Variants in SLC8A2 observed in about 807,000 individuals in gnomAD.
SLC8A2 encodes the protein sodium/calcium exchanger 2.
SLC8A2 carries 14 observed loss-of-function variants against 70.2 expected under a neutral mutation model. The observed-to-expected ratio is 0.20, with a 90% CI of 0.13 to 0.31. The LOEUF is 0.31. SLC8A2 is among the 10% of genes least tolerant of loss of function. SLC8A2 has a pLI of 1.00. For missense variants in SLC8A2, 779 were observed against 1,320.1 expected (o/e 0.59, Z 6.35); for synonymous variants, 575 against 594.3 (o/e 0.97, Z 0.47).
intron 7 of SLC8A2, 93 bp from the exon 8 acceptor site, chr19:47,437,654 C>A: frequency 8.3e-7 from 1 of 1,198,678 alleles, no homozygotes; most frequent in Non-Finnish European, 1.2e-6. Flanking sequence ...ACAGCCTGTG[C>A]CCAGGGGTCC....
In SLC8A2 at chr19:47,457,279, G is replaced by C; in HGVS notation, c.991C>G (p.Leu331Val). 6.5e-7 allele frequency: 1 copy of C among 1,547,184 alleles called. No homozygotes were observed. Among genetic ancestry groups the C allele is most frequent in the Non-Finnish European group, 8.7e-7 (1 of 1,145,656 alleles). ...TTGGCGATGCCCACCAGCTGCTCCA[G>C]ATCCTTGTCCGGGTGCTTCTGCTTG... ...DLKQKHPDKD[L>V]EQLVGIANYY... The change falls in exon 3 of 10, where the codon CTG (leucine) becomes GTG (valine). Residue 331 changes from leucine (L) to valine (V), a missense_variant. By Grantham distance (32) the Leu-to-Val change is conservative. Transcript: ENST00000236877.
chr19:47,459,682 T>C (rs527378864), intron 2 of SLC8A2, among the ~76,000 whole-genome samples: 5 of 147,674 alleles, frequency 3.4e-5, no homozygotes, highest in Non-Finnish European at 6.1e-5. Flanking sequence ...CATGTGTGTG[T>C]GTGCATGGGT....
intron 1 of SLC8A2, among the ~76,000 whole-genome samples, chr19:47,469,185 T>G (rs1228528830): frequency 1.3e-5 from 2 of 151,244 alleles, no homozygotes; most frequent in Non-Finnish European, 2.9e-5. Flanking sequence ...GGGTGATTCT[T>G]AAAGGGCCAC....
At position 47,456,985 on chromosome 19, in the gene SLC8A2, C is replaced by T; in HGVS notation, c.1285G>A (p.Val429Met). The T allele has an allele frequency of 6.2e-7, 1 of 1,612,580 alleles. No individual in the cohort carries two copies. The highest frequency in any genetic ancestry group is 1.1e-5 in the South Asian group (1 of 90,948). Residue 429 changes from valine (V) to methionine (M), a missense_variant, in exon 3 of 10, where the codon GTG becomes ATG. Around this residue, in one of 6 missense-constraint regions of SLC8A2, gnomAD observed 186 missense variants for 246.6 expected, o/e 0.75. Transcript: ENST00000236877. ...QGGEGNSTFYVDYRTEDGSAK... is the reference protein window; with the variant it reads ...QGGEGNSTFYMDYRTEDGSAK... ...GAGCCGTCCTCAGTGCGGTAGTCCA[C>T]GTAGAAGGTGCTGTTGCCCTCGCCG...
At chr19:47,463,156 G>C (rs531421471) in intron 2 of SLC8A2, among the ~76,000 whole-genome samples, 1 of 150,960 alleles carries the variant, frequency 6.6e-6, no homozygotes, top group South Asian at 2.1e-4. Flanking sequence ...TTTTTGAGAC[G>C]GAGTCTCGCT....
At chr19:47,435,696 A>C (rs2122615151) in intron 8 of SLC8A2, among the ~76,000 whole-genome samples, 1 of 151,968 alleles carries the variant, frequency 6.6e-6, no homozygotes, top group East Asian at 1.9e-4. Context: ...TTACAGGCGC[A>C]GGCCACCATG....
chr19:47,455,544 T>C (rs1443326113), intron 3 of SLC8A2, among the ~76,000 whole-genome samples: 1 of 152,200 alleles, frequency 6.6e-6, no homozygotes, highest in Non-Finnish European at 1.5e-5. Flanking sequence ...TTGCACATAG[T>C]AGACACATGA....
In SLC8A2 at chr19:47,430,428, C is replaced by T; in HGVS notation, c.2427G>A (p.Gln809=). Residue 809 remains glutamine (Q), a synonymous_variant, in exon 10 of 10, where the codon CAG becomes CAA. Coordinates refer to ENST00000236877, the MANE Select transcript of SLC8A2 (RefSeq NM_015063.3). This position sits in a 1 kb window ranked among gnomAD's most constrained non-coding sequence, Gnocchi z 5.9. Reference sequence around the variant, plus strand: ...CGTTGCCGATGGACGCGTCGGCGCACTGGTCCTGCAGCGCCGCCACCTTGC... The same window carrying T: ...CGTTGCCGATGGACGCGTCGGCGCATTGGTCCTGCAGCGCCGCCACCTTGC... The part of the protein sequence containing the change: ...FASKVAALQD[Q]CADASIGNVT... The T allele has an allele frequency of 6.2e-7, 1 of 1,607,894 alleles. No individual in the cohort carries two copies.
chr19:47,461,171 C>T (rs866566832), intron 2 of SLC8A2, among the ~76,000 whole-genome samples: 1 of 150,146 alleles, frequency 6.7e-6, no homozygotes, highest in South Asian at 2.1e-4. Context: ...GCCTGGCGAC[C>T]GAGCGAGACT....
At chr19:47,434,424 T>A (rs934331055) in intron 8 of SLC8A2, among the ~76,000 whole-genome samples, 3 of 152,212 alleles carry the variant, frequency 2.0e-5, no homozygotes, top group African/African-American at 4.8e-5. Context: ...CACTGTGTGA[T>A]CCTGAATCAG....
Position 47,430,421 on chromosome 19 carries a change from C to T in SLC8A2, c.2434G>A (p.Asp812Asn). The T allele has an allele frequency of 6.2e-7, 1 of 1,608,194 alleles. No homozygotes were observed. The highest frequency in any genetic ancestry group is 8.5e-7 in the Non-Finnish European group (1 of 1,178,564). ...CCGGTCACGTTGCCGATGGACGCGT[C>T]GGCGCACTGGTCCTGCAGCGCCGCC... is the stretch of plus-strand genomic sequence containing the variant. ...KVAALQDQCA[D>N]ASIGNVTGSN... Residue 812 changes from aspartate to asparagine, a missense_variant, in exon 10 of 10, where the codon GAC becomes AAC. By Grantham distance (23) the Asp-to-Asn change is conservative (BLOSUM62 1). Coordinates refer to ENST00000236877, the MANE Select transcript of SLC8A2 (RefSeq NM_015063.3). This position sits in a 1 kb window ranked among gnomAD's most constrained non-coding sequence, Gnocchi z 5.9.
In SLC8A2 at chr19:47,466,247, C is replaced by T; in HGVS notation, c.157G>A (p.Val53Met). 1 of 1,599,314 alleles carries T rather than the reference C, an allele frequency of 6.3e-7. No individual in the cohort carries two copies. Among genetic ancestry groups the T allele is most frequent in the Non-Finnish European group, 8.5e-7 (1 of 1,170,704 alleles). Residue 53 changes from valine to methionine, a missense_variant, in exon 2 of 10, where the codon GTG becomes ATG. By Grantham distance (21) the Val-to-Met change is conservative. Transcript: ENST00000236877. The surrounding 1 kb of genome is among the most constrained non-coding windows in gnomAD (Gnocchi z 6.9). ...TCGGGCTCCCACACGGGCAGCAGCA[C>T]CCCCGGCTGGCAGCGGTAGGACCCC... ...CQGSYRCQPG[V>M]LLPVWEPDDP...
At position 47,447,237 on chromosome 19, in the gene SLC8A2, C is replaced by T. The variant is rs1040259067; in HGVS notation, c.1763+572G>A. Among the ~76,000 whole-genome samples, 8 of 151,980 alleles carry T rather than the reference C, an allele frequency of 5.3e-5. No homozygotes were observed. Among genetic ancestry groups the T allele is most frequent in the Non-Finnish European group, 8.8e-5 (6 of 67,996 alleles). ...GTCGTATGTCCAAACCCAGACCCCACCTATCGCCCTGGACCCGCCCCCTCT... is the reference window on the plus strand; with the variant it reads ...GTCGTATGTCCAAACCCAGACCCCATCTATCGCCCTGGACCCGCCCCCTCT... On this transcript the variant is annotated intron_variant, in intron 4 of 9. Transcript: ENST00000236877. This position sits in a 1 kb window ranked among gnomAD's most constrained non-coding sequence, Gnocchi z 5.1.
chr19:47,434,989 A>C (rs955740586), intron 8 of SLC8A2, among the ~76,000 whole-genome samples: 3 of 152,196 alleles, frequency 2.0e-5, no homozygotes, highest in Non-Finnish European at 2.9e-5. Flanking sequence ...TGGGCAGATC[A>C]CTTGAGGTCA....
chr19:47,470,384 CACA>C, intron 1 of SLC8A2, among the ~76,000 whole-genome samples: 1 of 151,388 alleles, frequency 6.6e-6, no homozygotes, highest in East Asian at 1.9e-4. Flanking sequence ...CACACACACA[CACA>C]CCAGGGCTAC....
intron 2 of SLC8A2, among the ~76,000 whole-genome samples, chr19:47,459,825 T>C (rs1967371933): frequency 6.6e-6 from 1 of 152,176 alleles, no homozygotes; most frequent in Admixed American, 6.5e-5. Flanking sequence ...ATGTGTTCTC[T>C]TTCTCTCCTA....
At chr19:47,450,574 A>G (rs893210639) in intron 3 of SLC8A2, among the ~76,000 whole-genome samples, 7 of 152,038 alleles carry the variant, frequency 4.6e-5, no homozygotes, top group Admixed American at 3.9e-4. Context: ...CTGTGGGAGG[A>G]AGAGAGGGAC....
Position 47,430,496 on chromosome 19 carries a change from G to C in SLC8A2, c.2390-31C>G. 6.5e-7 allele frequency: 1 copy of C among 1,544,030 alleles called. No individual in the cohort carries two copies. Among genetic ancestry groups the C allele is most frequent in the Non-Finnish European group, 8.7e-7 (1 of 1,147,972 alleles). ...AGGCAGAGACATACAGGTCGGAGGGGCTTTGCGCCGCCACCCACAGGGGCG... is the reference window on the plus strand; with the variant it reads ...AGGCAGAGACATACAGGTCGGAGGGCCTTTGCGCCGCCACCCACAGGGGCG... On this transcript the variant is annotated intron_variant, in intron 9 of 9. Coordinates refer to ENST00000236877, the MANE Select transcript of SLC8A2 (RefSeq NM_015063.3). This position sits in a 1 kb window ranked among gnomAD's most constrained non-coding sequence, Gnocchi z 5.9.
chr19:47,443,725 G>A (rs1349058183), intron 4 of SLC8A2, among the ~76,000 whole-genome samples: 2 of 151,996 alleles, frequency 1.3e-5, no homozygotes, highest in African/African-American at 4.8e-5. Flanking sequence ...ACTTCCTTCA[G>A]TGCCTCTCTG....
Sources: gnomAD v4.1 joint callset for allele counts (sites outside exome capture counted in the v4.1 genomes callset) on GRCh38, gnomAD v4.1.1 for gene constraint, gnomAD v4.1.1 regional missense constraint, Gnocchi (gnomAD v3.1) non-coding constraint, MANE v1.5 for transcripts, NCBI Gene and HGNC (gene_info 2026-07-23, HGNC 2026-07-21) for gene names.